The following ATP10D variants were observed in gnomAD, a reference collection of about 807,000 sequenced individuals.
ATP10D encodes the protein ATPase phospholipid transporting 10D (putative).
In ATP10D, 89 loss-of-function variants were observed where a neutral mutation model predicts 144.8. The observed-to-expected ratio is 0.61, with a 90% confidence interval of 0.52 to 0.73. The LOEUF (loss-of-function observed/expected upper bound fraction) is 0.73. Among genes scored for constraint, ATP10D ranks in the 30% least tolerant of loss-of-function variants. The pLI is 0.00. For synonymous variants in ATP10D, 571 were observed against 615.1 expected, an observed-to-expected ratio of 0.93 and a Z score of 1.06; for missense variants, 1,603 against 1,714.8, an observed-to-expected ratio of 0.93 and a Z score of 1.15.
chr4:47,512,139 A>T (rs997936249), intron 1 of ATP10D, among the ~76,000 whole-genome samples: 1 of 152,216 alleles, frequency 6.6e-6, no homozygotes, highest in African/African-American at 2.4e-5. Flanking sequence ...CCTGTTATTC[A>T]TTTAGTCCTC....
At chr4:47,583,240 G>C (rs1444933685) in intron 21 of ATP10D, 1 of 152,190 alleles carries the variant, frequency 6.6e-6, no homozygotes, top group African/African-American at 2.4e-5. Context: ...GTTCACCACT[G>C]TATACCAGTG....
At chr4:47,531,942 A>G (rs939287863) in intron 5 of ATP10D, among the ~76,000 whole-genome samples, 1 of 152,198 alleles carries the variant, frequency 6.6e-6, no homozygotes, top group East Asian at 1.9e-4. Context: ...TGGAGCATAT[A>G]GCACTCTGCA....
intron 16 of ATP10D, 145 bp downstream of exon 16, chr4:47,569,291 T>C: frequency 1.1e-6 from 1 of 911,814 alleles, no homozygotes; most frequent in East Asian, 2.7e-5. Context: ...CCATCACCTA[T>C]TTGAGCACCT....
chr4:47,485,828 C>A (rs1369247846), intron 1 of ATP10D, among the ~76,000 whole-genome samples: 1 of 1,836 alleles, frequency 5.4e-4, no homozygotes. Flanking sequence ...CGTACATACA[C>A]GCATTCTCAC....
chr4:47,495,549 G>A (rs939980145), intron 1 of ATP10D, among the ~76,000 whole-genome samples: 1 of 151,908 alleles, frequency 6.6e-6, no homozygotes, highest in Admixed American at 6.6e-5. Flanking sequence ...ATTAAAATCT[G>A]CTATTAATAG....
rs766944549 is a variant in ATP10D at position 47,591,773 on chromosome 4, T to A, written c.*392T>A. The A allele has an allele frequency of 3.5e-4, 54 of 155,046 alleles. No individual in the cohort carries two copies. The highest frequency in any genetic ancestry group is 6.8e-4 in the Non-Finnish European group (48 of 70,168). 9.6% of individuals were successfully genotyped at this position (155,046 alleles called of 1,614,324 possible). ...GGTCAGGCTCCAGTCGGAATTTTTTTAAGAAAAAAGTAGTTTTTAATACAT... is the reference window on the plus strand; with the variant it reads ...GGTCAGGCTCCAGTCGGAATTTTTTAAAGAAAAAAGTAGTTTTTAATACAT... On this transcript the variant is annotated 3_prime_UTR_variant, in exon 23 of 23. Transcript: ENST00000273859.
intron 3 of ATP10D, among the ~76,000 whole-genome samples, chr4:47,519,735 C>G (rs1480358724): frequency 6.6e-6 from 1 of 152,178 alleles, no homozygotes; most frequent in Non-Finnish European, 1.5e-5. Flanking sequence ...ATCACTTCCT[C>G]CAAGGCCCAG....
intron 2 of ATP10D, among the ~76,000 whole-genome samples, chr4:47,515,160 C>T (rs147284019): frequency 0.014 from 2,143 of 152,004 alleles, 53 homozygotes; most frequent in African/African-American, 0.05. Context: ...GGGGTTTTAC[C>T]GTGTTGCCCA....
intron 6 of ATP10D, 106 bp from the exon 7 acceptor site, chr4:47,535,796 T>C (rs1372491671): frequency 7.2e-7 from 1 of 1,381,276 alleles, no homozygotes. Flanking sequence ...AAATAGATCA[T>C]GTAACTGTGT....
intron 1 of ATP10D, among the ~76,000 whole-genome samples, chr4:47,490,609 G>A (rs552543883): frequency 5.0e-4 from 76 of 152,220 alleles, no homozygotes; most frequent in Non-Finnish European, 1.1e-3. Context: ...GTTGATGATA[G>A]GAATATGTGG....
intron 4 of ATP10D, among the ~76,000 whole-genome samples, chr4:47,524,337 CT>C (rs1483266727): frequency 2.0e-5 from 3 of 152,028 alleles, no homozygotes; most frequent in Non-Finnish European, 2.9e-5. Flanking sequence ...TAAATTTCAT[CT>C]TGTCATATTG....
intron 19 of ATP10D, among the ~76,000 whole-genome samples, chr4:47,580,120 A>T (rs111393133): frequency 5.3e-5 from 8 of 152,342 alleles, no homozygotes; most frequent in African/African-American, 1.9e-4. Flanking sequence ...AGGAAAGGAG[A>T]AGTTAGTACT....
chr4:47,496,736 A>G (rs1715399022), intron 1 of ATP10D, among the ~76,000 whole-genome samples: 1 of 152,076 alleles, frequency 6.6e-6, no homozygotes, highest in South Asian at 2.1e-4. Flanking sequence ...ATATATTTAT[A>G]GTATATGGCT....
At chr4:47,528,828 T>C (rs1046646204) in intron 5 of ATP10D, among the ~76,000 whole-genome samples, 1 of 152,064 alleles carries the variant, frequency 6.6e-6, no homozygotes, top group Non-Finnish European at 1.5e-5. Flanking sequence ...GTTATTTTTT[T>C]ACTTTTTAGT....
chr4:47,487,700 C>CT (rs769992521), intron 1 of ATP10D, among the ~76,000 whole-genome samples: 2 of 152,136 alleles, frequency 1.3e-5, no homozygotes, highest in Non-Finnish European at 2.9e-5. Context: ...AGAAACAATA[C>CT]TTTTTTATCG....
rs373598354 is a variant in ATP10D at position 47,512,639 on chromosome 4, G to A, written c.99G>A (p.Leu33=). Residue 33 remains leucine (L), a synonymous_variant, in exon 2 of 23, where the codon TTG becomes TTA. Transcript: ENST00000273859. ...CAGGGCCATACAACTATTCCTCGTT[G>A]CTCGCCTGTGGGCGCAAGTCCTCTC... ...DDSGPYNYSS[L]LACGRKSSQT... The A allele has an allele frequency of 3.1e-6, 5 of 1,614,136 alleles. No individual in the cohort carries two copies. In the Admixed American group the frequency reaches 8.3e-5, roughly 27 times the overall value.
intron 10 of ATP10D, 54 bp downstream of exon 10, chr4:47,546,916 A>G: frequency 6.6e-7 from 1 of 1,509,174 alleles, no homozygotes; most frequent in Non-Finnish European, 9.2e-7. Flanking sequence ...ATGATGAGAG[A>G]ACAGCCTTGT....
chr4:47,495,641 A>G lies in ATP10D; in HGVS notation c.-38+10122A>G, dbSNP rs141584081. Among the ~76,000 whole-genome samples the G allele has an allele frequency of 6.6e-4, 100 of 152,288 alleles. 1 individual carries two copies. Among genetic ancestry groups the G allele is most frequent in the African/African-American group, 2.2e-3 (92 of 41,574 alleles). On this transcript the variant is annotated intron_variant, in intron 1 of 22. Transcript: ENST00000273859. ...CCATGTTTATATATTGTATATATTC[A>G]TAGTTGAGATTATACTTGTATACAG...
chr4:47,537,819 G>T (rs1364576971), intron 9 of ATP10D, among the ~76,000 whole-genome samples: 4 of 152,102 alleles, frequency 2.6e-5, no homozygotes, highest in Non-Finnish European at 4.4e-5. Flanking sequence ...AGCACTTGTA[G>T]TTAACGTCAC....
Sources: gnomAD v4.1 joint callset for allele counts (sites outside exome capture counted in the v4.1 genomes callset) on GRCh38, gnomAD v4.1.1 for gene constraint, MANE v1.5 for transcripts, NCBI Gene and HGNC (gene_info 2026-07-23, HGNC 2026-07-21) for gene names.